MDGA2: variants seen among roughly 807,000 people sequenced by gnomAD.
MDGA2 encodes MAM domain containing glycosylphosphatidylinositol anchor 2, also known as MAM domain-containing glycosylphosphatidylinositol anchor protein 2.
A neutral mutation model predicts 117.8 loss-of-function variants in MDGA2; 40 were observed. The ratio of observed to expected loss-of-function variants is 0.34; its 90% CI spans 0.26 to 0.44. MDGA2 has a LOEUF of 0.44. Ranked by LOEUF, MDGA2 falls within the 20% of genes least tolerant of loss-of-function variation. The probability of loss-of-function intolerance (pLI) is 1.00; values close to 1 mark genes in which losing one functional copy is unlikely to be tolerated. For synonymous variants in MDGA2, 452 were observed against 439.0 expected, an observed-to-expected ratio of 1.03 and a Z score of -0.37; for missense variants, 1,123 against 1,250.6, an observed-to-expected ratio of 0.90 and a Z score of 1.54.
At chr14:47,255,389 C>G (rs1887585412) in intron 2 of MDGA2, among the ~76,000 whole-genome samples, 1 of 152,052 alleles carries the variant, frequency 6.6e-6, no homozygotes, top group African/African-American at 2.4e-5. Flanking sequence ...GTAGTGGGAT[C>G]CAACAGGTGC....
intron 1 of MDGA2, among the ~76,000 whole-genome samples, chr14:47,335,264 G>GAA (rs753734207): frequency 6.5e-5 from 3 of 46,314 alleles, no homozygotes; most frequent in African/African-American, 2.3e-4. Flanking sequence ...GTACTACACA[G>GAA]AAAAAAAAAA....
At chr14:47,015,428 T>C (rs891775344) in intron 8 of MDGA2, among the ~76,000 whole-genome samples, 1 of 151,012 alleles carries the variant, frequency 6.6e-6, no homozygotes, top group African/African-American at 2.4e-5. Flanking sequence ...AAACAAAATA[T>C]TCCTAACTAT....
At chr14:46,891,901 C>G (rs976177551) in intron 10 of MDGA2, among the ~76,000 whole-genome samples, 2 of 150,788 alleles carry the variant, frequency 1.3e-5, no homozygotes, top group African/African-American at 4.9e-5. Context: ...TGCAAGTTTC[C>G]TATCTAAACT....
intron 15 of MDGA2, among the ~76,000 whole-genome samples, chr14:46,854,666 A>G (rs945111115): frequency 2.0e-5 from 3 of 151,690 alleles, no homozygotes; most frequent in African/African-American, 4.8e-5. Context: ...ATTCAAACAG[A>G]TTGAGAATTG....
At position 47,246,574 on chromosome 14, in the gene MDGA2, A is replaced by G. The variant is rs1056004144; in HGVS notation, c.421-28379T>C. On this transcript the variant is annotated intron_variant, in intron 2 of 16. Coordinates refer to ENST00000399232, the MANE Select transcript of MDGA2 (RefSeq NM_001113498.3). Reference sequence around the variant, plus strand: ...TAGATGACTCCTCAGGTTCATCCAGATAAGTGTGGAAAGAGCCAGTTACTT... The same window carrying G: ...TAGATGACTCCTCAGGTTCATCCAGGTAAGTGTGGAAAGAGCCAGTTACTT... Among the ~76,000 whole-genome samples, 221 of 151,834 alleles carry G rather than the reference A, an allele frequency of 1.5e-3. 4 individuals are homozygous for G. The highest frequency in any genetic ancestry group is 5.2e-3 in the African/African-American group (216 of 41,516).
At chr14:47,453,182 G>C (rs1199535724) in intron 1 of MDGA2, among the ~76,000 whole-genome samples, 1 of 151,884 alleles carries the variant, frequency 6.6e-6, no homozygotes, top group Non-Finnish European at 1.5e-5. Flanking sequence ...AATGTCAAAA[G>C]AGTAACTTTA....
intron 1 of MDGA2, among the ~76,000 whole-genome samples, chr14:47,390,019 T>C (rs192560408): frequency 2.6e-5 from 4 of 152,220 alleles, no homozygotes; most frequent in East Asian, 1.9e-4. Flanking sequence ...ACAGGCCTCT[T>C]TGAGCTGCAA....
rs548518851 is a variant in MDGA2 at position 47,026,151 on chromosome 14, G to A, written c.1819+8860C>T. Among the ~76,000 whole-genome samples the A allele has an allele frequency of 2.0e-5, 3 of 152,066 alleles. No individual in the cohort carries two copies. In the South Asian group the frequency reaches 6.2e-4, roughly 32 times the overall value. ...AAATATGATATTACATCAAACAATTGATAATAAAGATACAATTGCTAACAA... is the reference window on the plus strand; with the variant it reads ...AAATATGATATTACATCAAACAATTAATAATAAAGATACAATTGCTAACAA... On this transcript the variant is annotated intron_variant, in intron 8 of 16. Coordinates refer to ENST00000399232, the MANE Select transcript of MDGA2 (RefSeq NM_001113498.3).
Position 47,148,793 on chromosome 14 carries a change from C to T in MDGA2, c.596-4519G>A, listed in dbSNP as rs572944026. 7.2e-5 allele frequency among the ~76,000 whole-genome samples: 11 copies of T among 152,260 alleles called. No homozygotes were observed. In the South Asian group the frequency reaches 2.3e-3, roughly 32 times the overall value. On this transcript the variant is annotated intron_variant, in intron 3 of 16. Coordinates refer to ENST00000399232, the MANE Select transcript of MDGA2 (RefSeq NM_001113498.3). ...CAAAATCTGAAAATTGCCTCAGGTA[C>T]AGAAATTGGACAAGGATCGTGGCTT...
chr14:47,335,914 C>A (rs1029599223), intron 1 of MDGA2, among the ~76,000 whole-genome samples: 1 of 151,088 alleles, frequency 6.6e-6, no homozygotes, highest in African/African-American at 2.4e-5. Flanking sequence ...AGGAGAGCTA[C>A]ATTTGTGGGT....
intron 6 of MDGA2, among the ~76,000 whole-genome samples, chr14:47,084,335 A>G (rs989344174): frequency 6.6e-6 from 1 of 152,124 alleles, no homozygotes; most frequent in African/African-American, 2.4e-5. Flanking sequence ...TAAAAAACAA[A>G]CACACTGAAC....
intron 1 of MDGA2, among the ~76,000 whole-genome samples, chr14:47,590,800 T>A (rs1896423133): frequency 6.6e-6 from 1 of 151,912 alleles, no homozygotes. Flanking sequence ...CAAAAATTTT[T>A]CTGAATAGAA....
chr14:47,209,460 C>G (rs1026241903), intron 3 of MDGA2, among the ~76,000 whole-genome samples: 3 of 152,098 alleles, frequency 2.0e-5, no homozygotes, highest in Non-Finnish European at 2.9e-5. Flanking sequence ...AGTTGCCATT[C>G]TGATGATGTA....
chr14:47,263,860 A>G (rs1887879732), intron 2 of MDGA2, among the ~76,000 whole-genome samples: 1 of 152,252 alleles, frequency 6.6e-6, no homozygotes, highest in African/African-American at 2.4e-5. Context: ...CATTTTCATA[A>G]AGAAAAATAA....
intron 1 of MDGA2, among the ~76,000 whole-genome samples, chr14:47,329,371 T>G (rs573311042): frequency 6.6e-6 from 1 of 151,704 alleles, no homozygotes; most frequent in African/African-American, 2.4e-5. Context: ...GTGAAGAAAA[T>G]AAAAGAAAGA....
intron 1 of MDGA2, among the ~76,000 whole-genome samples, chr14:47,361,186 A>ACTCTCT (rs374880544): frequency 0.051 from 7,211 of 142,038 alleles, 253 homozygotes; most frequent in South Asian, 0.13. Context: ...GTCATGTTGT[A>ACTCTCT]CTCTCTCTCT....
At chr14:47,180,933 C>A (rs1438208881) in intron 3 of MDGA2, among the ~76,000 whole-genome samples, 2 of 151,794 alleles carry the variant, frequency 1.3e-5, no homozygotes, top group Admixed American at 1.3e-4. Flanking sequence ...AACAAACAAA[C>A]AAAAAAATAA....
At chr14:47,644,734 G>T (rs1310313726) in intron 1 of MDGA2, among the ~76,000 whole-genome samples, 1 of 151,872 alleles carries the variant, frequency 6.6e-6, no homozygotes, top group Non-Finnish European at 1.5e-5. Context: ...ATAAAGAAAT[G>T]ATAAATGTAT....
At chr14:46,982,734 A>AAAAAAAAAAATAATAAT (rs1449356596) in intron 8 of MDGA2, among the ~76,000 whole-genome samples, 1 of 130,326 alleles carries the variant, frequency 7.7e-6, no homozygotes. Flanking sequence ...AAAAAAAAAA[A>AAAAAAAAAAATAATAAT]AATCATGTCA....
Sources: allele counts gnomAD v4.1 joint callset (sites outside exome capture counted in the v4.1 genomes callset), GRCh38; gene constraint gnomAD v4.1.1; transcripts MANE v1.5; gene names NCBI Gene and HGNC (gene_info 2026-07-23, HGNC 2026-07-21).